Variants in SERPINB11 observed in about 807,000 individuals in gnomAD.
The protein encoded by SERPINB11 is serpin family B member 11.
A neutral mutation model predicts 36.7 loss-of-function variants in SERPINB11; 32 were observed. The observed-to-expected ratio is 0.87, with a 90% CI of 0.66 to 1.17. SERPINB11 has a LOEUF of 1.17. Among genes scored for constraint, SERPINB11 ranks in the 50% most tolerant of loss-of-function variants. The pLI, the probability that SERPINB11 is intolerant of heterozygous loss-of-function variation, is 0.00. For missense variants in SERPINB11, 528 were observed against 458.4 expected (o/e 1.15, Z -1.39); for synonymous variants, 174 against 168.1 (o/e 1.04, Z -0.27).
At chr18:63,717,058 T>A (rs1283247175) in intron 5 of SERPINB11, among the ~76,000 whole-genome samples, 1 of 152,098 alleles carries the variant, frequency 6.6e-6, no homozygotes, top group Non-Finnish European at 1.5e-5. Context: ...ATAAGCCCCT[T>A]TTTTCCCAAA....
At chr18:63,716,242 C>G in intron 5 of SERPINB11, 90 bp downstream of exon 5, 1 of 742,466 alleles carries the variant, frequency 1.3e-6, no homozygotes. Context: ...TGGCTGAAGT[C>G]TGCACCTGAC....
In SERPINB11 at chr18:63,720,161, T is replaced by C. The variant is rs370839563; in HGVS notation, c.618+6T>C. The C allele has an allele frequency of 3.8e-6, 6 of 1,593,658 alleles. No homozygotes were observed. Among genetic ancestry groups the C allele is most frequent in the Non-Finnish European group, 4.3e-6 (5 of 1,165,480 alleles). ...GTCCTTTTCAGCTAAGTGAGGTAAGTATTTTATTTTCAGACTCATGACAAA... is the reference window on the plus strand; with the variant it reads ...GTCCTTTTCAGCTAAGTGAGGTAAGCATTTTATTTTCAGACTCATGACAAA... On this transcript the variant is annotated splice_donor_region_variant and intron_variant, in intron 6 of 7. Coordinates refer to ENST00000544088, the MANE Select transcript of SERPINB11 (RefSeq NM_001370475.1).
intron 1 of SERPINB11, among the ~76,000 whole-genome samples, chr18:63,704,662 G>T (rs139942169): frequency 2.6e-5 from 4 of 152,308 alleles, no homozygotes; most frequent in African/African-American, 9.6e-5. Flanking sequence ...ACCTGAACCT[G>T]AAGTATTCTT....
chr18:63,723,015 G>T lies in SERPINB11; in HGVS notation c.795G>T (p.Ser265=), dbSNP rs17071608. 6.3e-7 allele frequency: 1 copy of T among 1,578,278 alleles called. No individual in the cohort carries two copies. Reference sequence around the variant, plus strand: ...CTTAGATAGAAAAGCAGCTGAATTCGGGGACGTTTCATGAGTGGACAAGCT... The same window carrying T: ...CTTAGATAGAAAAGCAGCTGAATTCTGGGACGTTTCATGAGTGGACAAGCT... ...NLKQIEKQLN[S]GTFHEWTSSS... is the part of the protein sequence containing the mutation. Residue 265 remains serine (S), a synonymous_variant, in exon 8 of 8, where the codon TCG becomes TCT. Transcript: ENST00000544088.
chr18:63,716,219 C>G lies in SERPINB11; in HGVS notation c.475+67C>G. 3 of 995,652 alleles carry G rather than the reference C, an allele frequency of 3.0e-6. No homozygotes were observed. In the South Asian group the frequency reaches 4.5e-5, roughly 15 times the overall value. 61.7% of individuals were successfully genotyped at this position (995,652 alleles called of 1,614,324 possible). ...TTGATAAGCAACCTGAGTCCACTTG[C>G]TAAAGAGGAAGCTGGCTGAAGTCTG... On this transcript the variant is annotated intron_variant, in intron 5 of 7. Coordinates refer to ENST00000544088, the MANE Select transcript of SERPINB11 (RefSeq NM_001370475.1).
At chr18:63,712,241 T>C (rs1914544065) in intron 3 of SERPINB11, among the ~76,000 whole-genome samples, 1 of 152,158 alleles carries the variant, frequency 6.6e-6, no homozygotes, top group Admixed American at 6.5e-5. Context: ...AAGGCAGCAA[T>C]AACACTGGAA....
intron 4 of SERPINB11, among the ~76,000 whole-genome samples, chr18:63,713,710 C>T (rs1914588358): frequency 6.6e-6 from 1 of 152,146 alleles, no homozygotes; most frequent in African/African-American, 2.4e-5. Flanking sequence ...TCTAGAGTGG[C>T]AGGGATTAAC....
At chr18:63,710,015 C>T (rs1265194686) in intron 1 of SERPINB11, among the ~76,000 whole-genome samples, 164 bp from the exon 2 acceptor site, 1 of 152,148 alleles carries the variant, frequency 6.6e-6, no homozygotes, top group Non-Finnish European at 1.5e-5. Context: ...GTGAATTCCC[C>T]TGTCTAGCAT....
intron 5 of SERPINB11, among the ~76,000 whole-genome samples, chr18:63,719,735 C>T (rs1050477458): frequency 2.0e-5 from 3 of 151,940 alleles, no homozygotes; most frequent in Admixed American, 6.6e-5. Flanking sequence ...AGAAATTACT[C>T]GATGTAACTA....
At chr18:63,720,259 G>C in intron 6 of SERPINB11, 104 bp downstream of exon 6, 1 of 973,608 alleles carries the variant, frequency 1.0e-6, no homozygotes, top group Non-Finnish European at 1.5e-6. Context: ...ATTGGTCTAG[G>C]TTTCTGTTGG....
chr18:63,720,788 A>G, intron 6 of SERPINB11, 43 bp from the exon 7 acceptor site: 1 of 1,401,842 alleles, frequency 7.1e-7, no homozygotes, highest in Non-Finnish European at 9.8e-7. Context: ...ACACATGTGC[A>G]CTCACATATG....
intron 5 of SERPINB11, among the ~76,000 whole-genome samples, chr18:63,718,325 A>C (rs1235805343): frequency 6.6e-6 from 1 of 152,020 alleles, no homozygotes; most frequent in African/African-American, 2.4e-5. Context: ...CTTCCATAGA[A>C]TATATCAGTT....
chr18:63,710,795 T>A (rs990318561), intron 2 of SERPINB11, among the ~76,000 whole-genome samples: 7 of 152,226 alleles, frequency 4.6e-5, no homozygotes, highest in Non-Finnish European at 1.0e-4. Flanking sequence ...ACTTTATGGA[T>A]TGAAAACTGA....
intron 2 of SERPINB11, 79 bp from the exon 3 acceptor site, chr18:63,711,256 A>G: frequency 1.0e-6 from 1 of 968,572 alleles, no homozygotes; most frequent in Non-Finnish European, 1.6e-6. Context: ...AAATAGAAAA[A>G]TAGATACTTA....
intron 4 of SERPINB11, among the ~76,000 whole-genome samples, chr18:63,714,652 G>A (rs1250314454): frequency 6.6e-6 from 1 of 151,958 alleles, no homozygotes; most frequent in Admixed American, 6.6e-5. Context: ...GAGAAATATG[G>A]CTCTGTTCTG....
chr18:63,718,997 A>G (rs1279803565), intron 5 of SERPINB11, among the ~76,000 whole-genome samples: 1 of 152,052 alleles, frequency 6.6e-6, no homozygotes, highest in African/African-American at 2.4e-5. Context: ...GTTACTTGAA[A>G]AAGCCCACAA....
At chr18:63,719,387 A>G (rs902696519) in intron 5 of SERPINB11, among the ~76,000 whole-genome samples, 1 of 152,050 alleles carries the variant, frequency 6.6e-6, no homozygotes, top group African/African-American at 2.4e-5. Flanking sequence ...AGATATTCCT[A>G]TGTTTCATAT....
intron 4 of SERPINB11, among the ~76,000 whole-genome samples, chr18:63,715,422 T>C (rs1451846629): frequency 6.6e-6 from 1 of 152,228 alleles, no homozygotes; most frequent in Non-Finnish European, 1.5e-5. Context: ...TTCTTTATAC[T>C]GAGTTTGCAC....
chr18:63,715,710 G>T (rs899111831), intron 4 of SERPINB11, among the ~76,000 whole-genome samples: 1 of 152,162 alleles, frequency 6.6e-6, no homozygotes, highest in Non-Finnish European at 1.5e-5. Flanking sequence ...CTACTTTGAA[G>T]AGGAAAGAGT....
Sources: allele counts gnomAD v4.1 joint callset (sites outside exome capture counted in the v4.1 genomes callset), GRCh38; gene constraint gnomAD v4.1.1; transcripts MANE v1.5; gene names NCBI Gene and HGNC (gene_info 2026-07-23, HGNC 2026-07-21).